The following USP39 variants were observed in gnomAD, a reference collection of about 807,000 sequenced individuals.
The protein encoded by USP39 is ubiquitin specific peptidase 39.
USP39 carries 38 observed loss-of-function variants against 66.4 expected under a neutral mutation model. The ratio of observed to expected loss-of-function variants is 0.57; its 90% CI spans 0.44 to 0.75. The LOEUF (loss-of-function observed/expected upper bound fraction) is 0.75. Among genes scored for constraint, USP39 ranks in the 30% least tolerant of loss-of-function variants. The probability of loss-of-function intolerance (pLI) is 0.00; values close to 1 mark genes in which losing one functional copy is unlikely to be tolerated. For missense variants in USP39, 608 were observed against 714.4 expected (o/e 0.85, Z 1.70); for synonymous variants, 303 against 274.6 (o/e 1.10, Z -1.02).
Position 85,640,772 on chromosome 2 carries a change from CT to C in USP39, c.1285-183del, listed in dbSNP as rs962406690. Reference sequence around the variant, plus strand: ...ATAGGTGTGAGCCACCAGGCCCGGCCTTTTTTTTTTTTTTTTTTTTTAAATC... The same window carrying C: ...ATAGGTGTGAGCCACCAGGCCCGGCCTTTTTTTTTTTTTTTTTTTTAAATC... On this transcript the variant is annotated intron_variant, in intron 9 of 12. Coordinates refer to ENST00000323701, the MANE Select transcript of USP39 (RefSeq NM_006590.4). Among the ~76,000 whole-genome samples, 1,274 of 128,606 alleles carry C rather than the reference CT, an allele frequency of 9.9e-3. 17 individuals are homozygous for C. Among genetic ancestry groups the C allele is most frequent in the African/African-American group, 0.025 (890 of 34,964 alleles). The allele number at this position is 128,606 out of a possible 152,430, so 84.4% of individuals were successfully genotyped here. A position where few individuals can be genotyped will look rare whatever the true frequency, so the allele number is the denominator to read the frequency against.
chr2:85,605,854 CAG>C (rs1286823211), intron 1 of USP39, among the ~76,000 whole-genome samples: 1 of 152,204 alleles, frequency 6.6e-6, no homozygotes, highest in African/African-American at 2.4e-5. Flanking sequence ...ATGTCCCTTC[CAG>C]AGAGACTTTT....
intron 2 of USP39, among the ~76,000 whole-genome samples, chr2:85,620,651 A>G (rs1164914400): frequency 1.3e-5 from 2 of 152,170 alleles, no homozygotes; most frequent in African/African-American, 4.8e-5. Flanking sequence ...GGCCAGCTGT[A>G]AGGGGCTTGA....
chr2:85,621,358 T>C, intron 2 of USP39, 127 bp from the exon 3 acceptor site: 1 of 726,546 alleles, frequency 1.4e-6, no homozygotes, highest in African/African-American at 1.7e-5. Context: ...CCATGGTGTA[T>C]ATATGGTTGT....
At chr2:85,609,471 T>C (rs1483889621), upstream of USP39, 1 of 1,614,212 alleles carries the variant, frequency 6.2e-7, no homozygotes, top group Non-Finnish European at 8.5e-7. Context: ...CTCCACTGTC[T>C]GCCTCGTATT....
intron 9 of USP39, among the ~76,000 whole-genome samples, chr2:85,640,618 TATTTTTTTTTTC>T (rs1412798314): frequency 1.4e-5 from 2 of 139,290 alleles, no homozygotes; most frequent in East Asian, 2.0e-4. Flanking sequence ...TATATATATA[TATTTTTTTTTTC>T]TTTTTTTTTC....
At chr2:85,638,393 G>A (rs1675956048) in intron 8 of USP39, among the ~76,000 whole-genome samples, 3 of 151,830 alleles carry the variant, frequency 2.0e-5, no homozygotes, top group African/African-American at 7.3e-5. Context: ...GAGTGTGGTG[G>A]CGTGATTATG....
At chr2:85,645,171 C>G in intron 11 of USP39, 88 bp downstream of exon 11, 1 of 1,560,668 alleles carries the variant, frequency 6.4e-7, no homozygotes, top group South Asian at 1.2e-5. Context: ...TTCAGTGTGT[C>G]CTTGCTTGGC....
In USP39 at chr2:85,630,800, ATAT is replaced by A. The variant is rs1675262466; in HGVS notation, c.804_806del (p.Ile269del). 6.2e-7 allele frequency: 1 copy of A among 1,614,030 alleles called. No homozygotes were observed. The highest frequency in any genetic ancestry group is 1.3e-5 in the African/African-American group (1 of 74,914). ...AAGAACATCAAACGTCCTCCAGGGGATATCATGTTCTTGTTGGTCCAGCGTTTT... is the reference window on the plus strand; with the variant it reads ...AAGAACATCAAACGTCCTCCAGGGGACATGTTCTTGTTGGTCCAGCGTTTT... On this transcript the variant is annotated inframe_deletion, in exon 6 of 13. Transcript: ENST00000323701.
chr2:85,636,690 G>A (rs1409325729), intron 7 of USP39, among the ~76,000 whole-genome samples: 1 of 152,058 alleles, frequency 6.6e-6, no homozygotes, highest in Non-Finnish European at 1.5e-5. Flanking sequence ...ATTTTTAGTA[G>A]AGATGGGATT....
At chr2:85,619,768 A>G (rs1410291131) in intron 2 of USP39, among the ~76,000 whole-genome samples, 1 of 152,058 alleles carries the variant, frequency 6.6e-6, no homozygotes, top group Admixed American at 6.6e-5. Flanking sequence ...GTGGTGGCCC[A>G]CGCCTTTACT....
chr2:85,642,816 TATG>T (rs1676339946), intron 10 of USP39, among the ~76,000 whole-genome samples: 1 of 152,198 alleles, frequency 6.6e-6, no homozygotes, highest in Non-Finnish European at 1.5e-5. Flanking sequence ...TTATCAGACT[TATG>T]GTGATTAGGC....
intron 7 of USP39, among the ~76,000 whole-genome samples, chr2:85,636,678 G>T (rs1439685835): frequency 6.6e-6 from 1 of 151,990 alleles, no homozygotes; most frequent in Non-Finnish European, 1.5e-5. Flanking sequence ...GCTGATTTTT[G>T]TATTTTTAGT....
intron 5 of USP39, 60 bp from the exon 6 acceptor site, chr2:85,630,661 A>G: frequency 1.3e-6 from 2 of 1,505,256 alleles, no homozygotes; most frequent in Non-Finnish European, 1.8e-6. Context: ...TAATTGGAAG[A>G]GCTTGGCTCA....
intron 1 of USP39, among the ~76,000 whole-genome samples, chr2:85,617,397 C>T (rs1674075345): frequency 1.3e-5 from 2 of 152,184 alleles, no homozygotes; most frequent in South Asian, 2.1e-4. Context: ...TTCCATTAGT[C>T]TCTTGAGTTT....
intron 11 of USP39, among the ~76,000 whole-genome samples, chr2:85,647,721 G>T (rs1478458384): frequency 6.6e-6 from 1 of 151,394 alleles, no homozygotes; most frequent in Non-Finnish European, 1.5e-5. Flanking sequence ...ATTCCCAACA[G>T]GAATTGAGTT....
chr2:85,622,962 C>A (rs1460462974), intron 3 of USP39, among the ~76,000 whole-genome samples: 1 of 152,296 alleles, frequency 6.6e-6, no homozygotes, highest in East Asian at 1.9e-4. Context: ...CCAGTGAGTT[C>A]TGTTAGATCA....
chr2:85,640,987 T>G lies in USP39; in HGVS notation c.1296T>G (p.Thr432=), dbSNP rs758793012. 2 of 1,611,248 alleles carry G rather than the reference T, an allele frequency of 1.2e-6. No individual in the cohort carries two copies. The highest frequency in any genetic ancestry group is 8.5e-7 in the Non-Finnish European group (1 of 1,179,420). ...TTTTCTTTCTCTAGGAATATAAGAC[T>G]TACAAGGAGAACTTTCTGAAGCGCT... is the stretch of plus-strand genomic sequence containing the variant. The part of the protein sequence containing the change: ...FNGITEKEYK[T]YKENFLKRFQ... The change falls in exon 10 of 13, where the codon ACT becomes ACG. Residue 432 remains threonine, a synonymous_variant. Transcript: ENST00000323701.
chr2:85,647,213 T>C (rs1676710665), intron 11 of USP39, among the ~76,000 whole-genome samples: 1 of 152,190 alleles, frequency 6.6e-6, no homozygotes, highest in African/African-American at 2.4e-5. Flanking sequence ...TTAGGTTCTC[T>C]CAGTGGTTGA....
chr2:85,612,087 T>A, upstream of USP39: 2 of 1,025,230 alleles, frequency 2.0e-6, no homozygotes, highest in East Asian at 2.8e-5. Flanking sequence ...CGGCCCCGCA[T>A]CCTGACTTCC....
Sources: gnomAD v4.1 joint callset for allele counts (sites outside exome capture counted in the v4.1 genomes callset) on GRCh38, gnomAD v4.1.1 for gene constraint, MANE v1.5 for transcripts, NCBI Gene and HGNC (gene_info 2026-07-23, HGNC 2026-07-21) for gene names.